COL21A1: variants seen among roughly 807,000 people sequenced by gnomAD.
COL21A1 encodes the protein collagen alpha-1(XXI) chain.
COL21A1 carries 149 observed loss-of-function variants against 137.9 expected under a neutral mutation model. That is an observed-to-expected ratio of 1.08 (90% CI 0.95 to 1.24). The LOEUF is 1.24. COL21A1 is among the 50% of genes most tolerant of loss of function. The pLI is 0.00. For missense variants in COL21A1, 1,167 were observed against 1,158.4 expected (o/e 1.01, Z -0.11); for synonymous variants, 456 against 391.5 (o/e 1.16, Z -1.95).
intron 16 of COL21A1, among the ~76,000 whole-genome samples, chr6:56,112,748 G>C (rs1771562890): frequency 6.8e-6 from 1 of 146,312 alleles, no homozygotes; most frequent in Non-Finnish European, 1.5e-5. Context: ...GCAATGGCGT[G>C]ATTCCGGCTC....
At chr6:56,096,870 A>G (rs1297047573) in intron 17 of COL21A1, among the ~76,000 whole-genome samples, 1 of 152,178 alleles carries the variant, frequency 6.6e-6, no homozygotes, top group East Asian at 1.9e-4. Context: ...TAAAACCATT[A>G]TTTCCACACA....
chr6:56,203,795 A>T (rs1582633411), intron 1 of COL21A1, among the ~76,000 whole-genome samples: 3 of 152,336 alleles, frequency 2.0e-5, no homozygotes, highest in South Asian at 4.1e-4. Context: ...CTGGTTGGAC[A>T]GTGGGTGCAG....
chr6:56,097,518 T>C (rs983615597), intron 17 of COL21A1, among the ~76,000 whole-genome samples: 1 of 151,398 alleles, frequency 6.6e-6, no homozygotes, highest in African/African-American at 2.4e-5. Flanking sequence ...GGAAGGAATA[T>C]TGGGAGGAAA....
At chr6:56,315,062 T>A (rs756001907) in intron 1 of COL21A1, among the ~76,000 whole-genome samples, 5 of 152,360 alleles carry the variant, frequency 3.3e-5, no homozygotes, top group Non-Finnish European at 7.3e-5. Context: ...ATAAATGCTA[T>A]AAACATTTTG....
At chr6:56,315,648 T>TTCCCTCTTCCTTCCTCCTC (rs141877381) in intron 1 of COL21A1, among the ~76,000 whole-genome samples, 42,381 of 148,324 alleles carry the variant, frequency 0.29, 6,389 homozygotes, top group Non-Finnish European at 0.35. Flanking sequence ...CTCCCTCTCC[T>TTCCCTCTTCCTTCCTCCTC]TCCCTCTTCC....
intron 28 of COL21A1, among the ~76,000 whole-genome samples, chr6:56,059,484 G>C (rs1047359119): frequency 6.6e-6 from 1 of 152,082 alleles, no homozygotes; most frequent in African/African-American, 2.4e-5. Context: ...GGAATTATTA[G>C]CCCTTTGTGT....
intron 16 of COL21A1, among the ~76,000 whole-genome samples, chr6:56,104,343 T>TA (rs1770697129): frequency 1.3e-5 from 2 of 152,172 alleles, no homozygotes; most frequent in Non-Finnish European, 1.5e-5. Context: ...GTTGGACAAT[T>TA]ATGCAGTTAG....
chr6:56,343,735 G>A (rs1765521053), intron 1 of COL21A1, among the ~76,000 whole-genome samples: 1 of 152,184 alleles, frequency 6.6e-6, no homozygotes, highest in African/African-American at 2.4e-5. Flanking sequence ...GAGGCCAGGA[G>A]TTGGAGACCA....
chr6:56,064,581 T>C lies in COL21A1; in HGVS notation c.2169A>G (p.Gln723=). 6.3e-7 allele frequency: 1 copy of C among 1,594,724 alleles called. No homozygotes were observed. The highest frequency in any genetic ancestry group is 8.6e-7 in the Non-Finnish European group (1 of 1,168,960). Residue 723 remains glutamine (Q), a synonymous_variant, in exon 24 of 30, where the codon CAA becomes CAG. Coordinates refer to ENST00000244728, the MANE Select transcript of COL21A1 (RefSeq NM_030820.4). ...GENGRQGIPG[Q]QGIQGHHGAK... ...TCAGAAGAAAACCAAAAAATACCTG[T>C]TGCCCTGGAATTCCCTGTCTTCCAT... is the stretch of plus-strand genomic sequence containing the variant.
intron 1 of COL21A1, among the ~76,000 whole-genome samples, chr6:56,256,723 A>G (rs1038896908): frequency 1.3e-5 from 2 of 151,958 alleles, no homozygotes; most frequent in African/African-American, 4.8e-5. Context: ...CCCCTTTTTT[A>G]AAAAGGGGTT....
intron 1 of COL21A1, among the ~76,000 whole-genome samples, chr6:56,370,201 C>T (rs1436216564): frequency 2.0e-5 from 3 of 152,192 alleles, no homozygotes; most frequent in Admixed American, 6.5e-5. Flanking sequence ...CCTACATTCA[C>T]GTTCCCAGCA....
intron 1 of COL21A1, among the ~76,000 whole-genome samples, chr6:56,232,153 T>G (rs1424750511): frequency 6.6e-6 from 1 of 151,830 alleles, no homozygotes; most frequent in Non-Finnish European, 1.5e-5. Context: ...TGTGTCTTAT[T>G]CTTATATTTG....
At chr6:56,283,797 T>C (rs1313515577) in intron 1 of COL21A1, among the ~76,000 whole-genome samples, 2 of 151,674 alleles carry the variant, frequency 1.3e-5, no homozygotes, top group African/African-American at 2.4e-5. Flanking sequence ...AAAATTCCAA[T>C]ACAAAAAGGA....
intron 1 of COL21A1, among the ~76,000 whole-genome samples, chr6:56,309,544 G>C (rs747652646): frequency 6.6e-6 from 1 of 152,158 alleles, no homozygotes; most frequent in Non-Finnish European, 1.5e-5. Flanking sequence ...AGCTCTAATA[G>C]CAGGATTTTT....
chr6:56,220,072 A>G (rs1038725215), intron 1 of COL21A1, among the ~76,000 whole-genome samples: 2 of 152,160 alleles, frequency 1.3e-5, no homozygotes, highest in Admixed American at 1.3e-4. Flanking sequence ...AATGCATTGA[A>G]GCTCAATCAA....
At chr6:56,219,082 A>G (rs185570216) in intron 1 of COL21A1, among the ~76,000 whole-genome samples, 367 of 152,088 alleles carry the variant, frequency 2.4e-3, no homozygotes, top group Non-Finnish European at 4.3e-3. Context: ...CTATGCAACA[A>G]CAATGAACCA....
chr6:56,145,948 T>G (rs1161740813), intron 10 of COL21A1, among the ~76,000 whole-genome samples: 1 of 152,064 alleles, frequency 6.6e-6, no homozygotes, highest in South Asian at 2.1e-4. Context: ...CCTCCATGAT[T>G]CATAGTTACA....
chr6:56,164,717 A>C, intron 8 of COL21A1, 97 bp downstream of exon 8: 7 of 1,023,278 alleles, frequency 6.8e-6, no homozygotes, highest in Non-Finnish European at 1.0e-5. Flanking sequence ...AATGGGTTCC[A>C]TTTGTCTAAT....
chr6:56,297,878 A>G (rs1341913749), intron 1 of COL21A1, among the ~76,000 whole-genome samples: 1 of 152,052 alleles, frequency 6.6e-6, no homozygotes, highest in Admixed American at 6.6e-5. Flanking sequence ...GTAGCCGTCT[A>G]TCATTTTTAT....
Sources: gnomAD v4.1 joint callset for allele counts (sites outside exome capture counted in the v4.1 genomes callset) on GRCh38, gnomAD v4.1.1 for gene constraint, MANE v1.5 for transcripts, NCBI Gene and HGNC (gene_info 2026-07-23, HGNC 2026-07-21) for gene names.